The following PPFIBP1 variants were observed in gnomAD, a reference collection of about 807,000 sequenced individuals.
PPFIBP1 encodes PPFIB scaffold protein 1.
In PPFIBP1, 112 loss-of-function variants were observed where a neutral mutation model predicts 137.8. The ratio of observed to expected loss-of-function variants is 0.81; its 90% confidence interval spans 0.70 to 0.95. PPFIBP1 has a LOEUF of 0.95. PPFIBP1 is among the 40% of genes least tolerant of loss of function. PPFIBP1 has a pLI of 0.00. For synonymous variants in PPFIBP1, 378 were observed against 417.3 expected, an observed-to-expected ratio of 0.91 and a Z score of 1.15; for missense variants, 1,083 against 1,196.6, an observed-to-expected ratio of 0.91 and a Z score of 1.40.
chr12:27,682,289 T>C, intron 22 of PPFIBP1, 98 bp from the exon 23 acceptor site: 1 of 822,882 alleles, frequency 1.2e-6, no homozygotes, highest in South Asian at 1.6e-5. Flanking sequence ...TTGAATTGGG[T>C]CTTTAATGCT....
chr12:27,661,314 C>T (rs1001011547), intron 11 of PPFIBP1, among the ~76,000 whole-genome samples: 4 of 152,242 alleles, frequency 2.6e-5, no homozygotes, highest in Admixed American at 1.3e-4. Flanking sequence ...GCTTCATGGT[C>T]ATGTTGGTTT....
chr12:27,689,013 A>T lies in PPFIBP1; in HGVS notation c.2497-2A>T, dbSNP rs1436719702. On this transcript the variant is annotated splice_acceptor_variant, in intron 26 of 29. Transcript: ENST00000228425. LOFTEE classifies it high-confidence loss of function. ...CAAGCTTTTTTTTTTTTCTTTAAAC[A>T]GGTTCTAGAGCCTCGTTTTAACGTA... is the stretch of plus-strand genomic sequence containing the variant. The T allele has an allele frequency of 6.3e-7, 1 of 1,599,322 alleles. No homozygotes were observed. The highest frequency in any genetic ancestry group is 8.5e-7 in the Non-Finnish European group (1 of 1,176,056).
chr12:27,569,806 G>A (rs1236423749), intron 1 of PPFIBP1, among the ~76,000 whole-genome samples: 1 of 152,054 alleles, frequency 6.6e-6, no homozygotes, highest in East Asian at 1.9e-4. Context: ...TGATCCACCT[G>A]CCTCGGCCTC....
chr12:27,679,668 G>C lies in PPFIBP1; in HGVS notation c.1766+29G>C, dbSNP rs199668530. The C allele has an allele frequency of 5.0e-6, 8 of 1,607,758 alleles. No individual in the cohort carries two copies. The East Asian group carries it at 1.8e-4, about 36-fold the overall frequency. ...AGTAAAGCAGTAAACAAGTGGAATGGGCCCTGTCTTACATGTTGCTTAAAA... is the reference window on the plus strand; with the variant it reads ...AGTAAAGCAGTAAACAAGTGGAATGCGCCCTGTCTTACATGTTGCTTAAAA... On this transcript the variant is annotated intron_variant, in intron 20 of 29. Transcript: ENST00000228425.
intron 5 of PPFIBP1, among the ~76,000 whole-genome samples, chr12:27,646,749 C>CT (rs1332494534): frequency 2.0e-5 from 3 of 152,046 alleles, no homozygotes; most frequent in Non-Finnish European, 4.4e-5. Context: ...TTTGAGTTTG[C>CT]TTCTTCATAA....
intron 7 of PPFIBP1, 57 bp from the exon 8 acceptor site, chr12:27,654,663 AGG>A: frequency 6.5e-7 from 1 of 1,526,862 alleles, no homozygotes; most frequent in Non-Finnish European, 8.7e-7. Context: ...GCTATTTTAT[AGG>A]TATAGGTAAC....
chr12:27,682,880 T>C (rs2140397951), intron 24 of PPFIBP1, among the ~76,000 whole-genome samples, 177 bp downstream of exon 24: 1 of 152,214 alleles, frequency 6.6e-6, no homozygotes, highest in Middle Eastern at 3.4e-3. Context: ...TAGCATTTGG[T>C]GATTGTGATT....
chr12:27,666,632 T>C (rs2059874429), intron 12 of PPFIBP1, among the ~76,000 whole-genome samples: 1 of 152,220 alleles, frequency 6.6e-6, no homozygotes, highest in Non-Finnish European at 1.5e-5. Context: ...ATCAGACGTT[T>C]TTTGCTTTAA....
intron 2 of PPFIBP1, among the ~76,000 whole-genome samples, chr12:27,601,623 G>A (rs546208117): frequency 3.9e-5 from 6 of 152,238 alleles, no homozygotes; most frequent in Admixed American, 1.3e-4. Context: ...ACCTAGATTC[G>A]CCTCCAGAGT....
chr12:27,563,689 A>T (rs1013408978), intron 1 of PPFIBP1, among the ~76,000 whole-genome samples: 1 of 152,044 alleles, frequency 6.6e-6, no homozygotes, highest in African/African-American at 2.4e-5. Flanking sequence ...CCCATCATGG[A>T]TCCTGGTGGC....
intron 2 of PPFIBP1, among the ~76,000 whole-genome samples, chr12:27,609,848 CA>C (rs555325316): frequency 6.6e-6 from 1 of 152,140 alleles, no homozygotes; most frequent in Non-Finnish European, 1.5e-5. Context: ...ATGAATATCC[CA>C]GGGGTATCCA....
At chr12:27,651,835 AT>A (rs1168040908) in intron 7 of PPFIBP1, among the ~76,000 whole-genome samples, 1 of 152,140 alleles carries the variant, frequency 6.6e-6, no homozygotes, top group African/African-American at 2.4e-5. Context: ...GCCTAGGGTA[AT>A]ATTTATATCC....
rs756390171 is a variant in PPFIBP1, at chr12:27,689,121, T to C, written c.2603T>C (p.Ile868Thr). 7 of 1,608,912 alleles carry C rather than the reference T, an allele frequency of 4.4e-6. No homozygotes were observed. Among genetic ancestry groups the C allele is most frequent in the East Asian group, 2.2e-5 (1 of 44,858 alleles). ...TTGGCCACTCATTTCAACCTTCTGA[T>C]TGGGGCTGAGGCACAGCACCAGAAG... ...RHLATHFNLLIGAEAQHQKRD... is the reference protein window; with the variant it reads ...RHLATHFNLLTGAEAQHQKRD... Residue 868 changes from isoleucine to threonine, a missense_variant, in exon 27 of 30, where the codon ATT becomes ACT. Physicochemically the swap from Ile to Thr is moderately conservative, Grantham distance 89 (BLOSUM62 -1). Transcript: ENST00000228425.
At chr12:27,649,037 T>C (rs922442918) in intron 6 of PPFIBP1, among the ~76,000 whole-genome samples, 9 of 152,218 alleles carry the variant, frequency 5.9e-5, no homozygotes, top group Non-Finnish European at 1.3e-4. Context: ...CTTGAGAAGA[T>C]GGAGACCCCG....
intron 28 of PPFIBP1, among the ~76,000 whole-genome samples, chr12:27,692,278 A>G (rs2061593978): frequency 6.6e-6 from 1 of 152,166 alleles, no homozygotes; most frequent in Non-Finnish European, 1.5e-5. Context: ...GTATTAAAAC[A>G]TGTTAGGAAT....
At chr12:27,676,917 G>A (rs749462457) in intron 18 of PPFIBP1, 147 bp from the exon 19 acceptor site, 27 of 982,590 alleles carry the variant, frequency 2.7e-5, no homozygotes, top group South Asian at 1.3e-4. Flanking sequence ...GAGCCTGTGT[G>A]TAACATCAGA....
chr12:27,691,754 G>A lies in PPFIBP1; in HGVS notation c.2691G>A (p.Lys897=), dbSNP rs749133018. ...LLTATAKVKP[K]KLAFSNFGNL... ...TGTTTGCTTTTCTTTTAAAGCCAAA[G>A]AAACTTGCCTTTAGCAATTTTGGGA... The change falls in exon 28 of 30, where the codon AAG becomes AAA. Residue 897 remains lysine (K), a synonymous_variant. Transcript: ENST00000228425. 1 of 1,605,770 alleles carries A rather than the reference G, an allele frequency of 6.2e-7. No homozygotes were observed. Among genetic ancestry groups the A allele is most frequent in the Non-Finnish European group, 8.5e-7 (1 of 1,176,626 alleles).
chr12:27,668,374 T>C (rs886357920), intron 13 of PPFIBP1, among the ~76,000 whole-genome samples: 1 of 152,182 alleles, frequency 6.6e-6, no homozygotes, highest in Non-Finnish European at 1.5e-5. Context: ...GTAACTGCAG[T>C]AGCCACTCCC....
At chr12:27,524,502 G>A (rs555802903) in intron 1 of PPFIBP1, 137 bp downstream of exon 1, 1 of 151,670 alleles carries the variant, frequency 6.6e-6, no homozygotes, top group Non-Finnish European at 1.5e-5. Context: ...CAATGGGAAC[G>A]GGCACTTTTT....
Sources: allele counts gnomAD v4.1 joint callset (sites outside exome capture counted in the v4.1 genomes callset), GRCh38; gene constraint gnomAD v4.1.1; transcripts MANE v1.5; gene names NCBI Gene and HGNC (gene_info 2026-07-23, HGNC 2026-07-21).